The following XPR1 variants were observed in gnomAD, a reference collection of about 807,000 sequenced individuals.
XPR1 encodes the protein solute carrier family 53 member 1.
Under a neutral mutation model 87.5 loss-of-function variants are expected in XPR1, and 28 were observed. The observed-to-expected ratio is 0.32, with a 90% CI of 0.24 to 0.44. The LOEUF is 0.44. Ranked by LOEUF, XPR1 falls within the 20% of genes least tolerant of loss-of-function variation. The pLI is 1.00. For synonymous variants in XPR1, 300 were observed against 306.1 expected, an observed-to-expected ratio of 0.98 and a Z score of 0.21; for missense variants, 559 against 862.3, an observed-to-expected ratio of 0.65 and a Z score of 4.41.
chr1:180,753,352 C>A (rs1380467973), intron 2 of XPR1, among the ~76,000 whole-genome samples: 2 of 152,060 alleles, frequency 1.3e-5, no homozygotes, highest in African/African-American at 2.4e-5. Flanking sequence ...ATCGCTTGAA[C>A]TCGGAAGTTC....
intron 2 of XPR1, among the ~76,000 whole-genome samples, chr1:180,684,189 A>G (rs1202230156): frequency 6.6e-6 from 1 of 152,238 alleles, no homozygotes; most frequent in Admixed American, 6.5e-5. Flanking sequence ...ACATATGGCT[A>G]GCCAGTTTTC....
chr1:180,761,132 T>C (rs1402561295), intron 2 of XPR1, among the ~76,000 whole-genome samples: 4 of 152,292 alleles, frequency 2.6e-5, no homozygotes, highest in South Asian at 4.1e-4. Context: ...GGATTAAAGA[T>C]TTAAATGTTA....
At chr1:180,798,526 C>T (rs141638572) in intron 3 of XPR1, among the ~76,000 whole-genome samples, 5 of 152,208 alleles carry the variant, frequency 3.3e-5, no homozygotes, top group African/African-American at 1.2e-4. Context: ...AGCCAGAACC[C>T]CAACTGGTTA....
chr1:180,701,871 T>G (rs1657344464), intron 2 of XPR1, among the ~76,000 whole-genome samples: 1 of 133,778 alleles, frequency 7.5e-6, no homozygotes, highest in African/African-American at 3.3e-5. Context: ...ATTTTGTTGA[T>G]CCTTTCAAAA....
chr1:180,782,096 A>G (rs142505837), intron 2 of XPR1, among the ~76,000 whole-genome samples: 2 of 152,144 alleles, frequency 1.3e-5, no homozygotes, highest in African/African-American at 4.8e-5. Flanking sequence ...ACTCAGAGCA[A>G]AGGAATCTCT....
chr1:180,742,011 G>A (rs776821357), intron 2 of XPR1, among the ~76,000 whole-genome samples: 1 of 151,720 alleles, frequency 6.6e-6, no homozygotes, highest in Non-Finnish European at 1.5e-5. Context: ...TTTATTTTTG[G>A]TAATTTGTGT....
chr1:180,709,262 T>G (rs79331253), intron 2 of XPR1, among the ~76,000 whole-genome samples: 3,675 of 152,334 alleles, frequency 0.024, 152 homozygotes, highest in African/African-American at 0.083. Flanking sequence ...TCTCTCCTGG[T>G]TAGTGTGTTT....
intron 11 of XPR1, among the ~76,000 whole-genome samples, chr1:180,849,885 T>C (rs1462470500): frequency 6.6e-6 from 1 of 152,194 alleles, no homozygotes; most frequent in Non-Finnish European, 1.5e-5. Flanking sequence ...TACAGGTACA[T>C]GCGTGCGCAC....
chr1:180,683,234 C>G (rs142896195), intron 2 of XPR1, among the ~76,000 whole-genome samples: 2,534 of 151,396 alleles, frequency 0.017, 78 homozygotes, highest in African/African-American at 0.056. Flanking sequence ...TTTGTCCTTG[C>G]GATAGTTTGC....
At chr1:180,749,153 G>C (rs371836931) in intron 2 of XPR1, among the ~76,000 whole-genome samples, 2 of 152,202 alleles carry the variant, frequency 1.3e-5, no homozygotes, top group African/African-American at 4.8e-5. Flanking sequence ...AGCTATGACT[G>C]CATCACTGCA....
intron 1 of XPR1, among the ~76,000 whole-genome samples, chr1:180,658,356 A>G (rs59071173): frequency 0.043 from 6,547 of 152,252 alleles, 501 homozygotes; most frequent in African/African-American, 0.15. Flanking sequence ...GGGCATCCTC[A>G]TCATGTTTCA....
At chr1:180,832,747 C>G (rs967051034) in intron 9 of XPR1, among the ~76,000 whole-genome samples, 1 of 151,526 alleles carries the variant, frequency 6.6e-6, no homozygotes, top group South Asian at 2.1e-4. Flanking sequence ...CCAATACATG[C>G]TGTTTTGGTT....
chr1:180,669,769 T>C (rs981576092), intron 1 of XPR1, among the ~76,000 whole-genome samples: 2 of 152,184 alleles, frequency 1.3e-5, no homozygotes, highest in Admixed American at 6.5e-5. Context: ...TTTTTTCCCA[T>C]ACATATATAT....
intron 2 of XPR1, among the ~76,000 whole-genome samples, chr1:180,706,736 T>C (rs1473040451): frequency 6.6e-6 from 1 of 151,996 alleles, no homozygotes; most frequent in Non-Finnish European, 1.5e-5. Context: ...CTCAGCCTCC[T>C]GAGTAGCTGG....
intron 2 of XPR1, among the ~76,000 whole-genome samples, chr1:180,757,122 T>C (rs1647778838): frequency 6.6e-6 from 1 of 152,240 alleles, no homozygotes; most frequent in Non-Finnish European, 1.5e-5. Context: ...TCAAAATTAT[T>C]TTGGCTCTTT....
At chr1:180,704,825 T>G (rs1165032760) in intron 2 of XPR1, among the ~76,000 whole-genome samples, 2 of 144,760 alleles carry the variant, frequency 1.4e-5, no homozygotes, top group Admixed American at 6.9e-5. Context: ...TTTTTTTTTT[T>G]TTTTTTTTTT....
intron 2 of XPR1, among the ~76,000 whole-genome samples, chr1:180,766,060 A>T (rs1648270754): frequency 6.6e-6 from 1 of 151,876 alleles, no homozygotes; most frequent in South Asian, 2.1e-4. Context: ...TTTAAAGTAG[A>T]ACTTAACTTT....
At chr1:180,642,417 C>CT (rs1179723133) in intron 1 of XPR1, among the ~76,000 whole-genome samples, 40 of 151,234 alleles carry the variant, frequency 2.6e-4, no homozygotes, top group Admixed American at 2.2e-3. Context: ...TGTCCCCTTT[C>CT]TTTTTTTTTA....
chr1:180,647,639 T>G (rs1655161910), intron 1 of XPR1, among the ~76,000 whole-genome samples: 1 of 152,076 alleles, frequency 6.6e-6, no homozygotes, highest in African/African-American at 2.4e-5. Context: ...TGGCTCACAC[T>G]TGTAATCCCA....
Sources: gnomAD v4.1 joint callset for allele counts (sites outside exome capture counted in the v4.1 genomes callset) on GRCh38, gnomAD v4.1.1 for gene constraint, MANE v1.5 for transcripts, NCBI Gene and HGNC (gene_info 2026-07-23, HGNC 2026-07-21) for gene names.